Variants in ADK observed in about 807,000 individuals in gnomAD.
ADK encodes adenosine kinase.
Under a neutral mutation model 44.7 loss-of-function variants are expected in ADK, and 24 were observed. The observed-to-expected ratio is 0.54, with a 90% CI of 0.39 to 0.76. ADK has a LOEUF of 0.76. Among genes scored for constraint, ADK ranks in the 30% least tolerant of loss-of-function variants. The pLI is 0.00. For synonymous variants in ADK, 128 were observed against 142.6 expected, an observed-to-expected ratio of 0.90 and a Z score of 0.73; for missense variants, 321 against 425.1, an observed-to-expected ratio of 0.76 and a Z score of 2.15.
chr10:74,405,680 AAC>A (rs532517853), intron 6 of ADK, among the ~76,000 whole-genome samples: 2 of 152,096 alleles, frequency 1.3e-5, no homozygotes, highest in Non-Finnish European at 2.9e-5. Context: ...TCTGAGGTGC[AAC>A]AGTTTCATCC....
chr10:74,635,613 G>A (rs1222540181), intron 9 of ADK, among the ~76,000 whole-genome samples: 4 of 152,054 alleles, frequency 2.6e-5, no homozygotes, highest in Non-Finnish European at 5.9e-5. Context: ...AGGCTCAGCC[G>A]AGTAGTTCTA....
intron 6 of ADK, among the ~76,000 whole-genome samples, chr10:74,482,886 A>C (rs1297950886): frequency 6.6e-6 from 1 of 152,180 alleles, no homozygotes; most frequent in Non-Finnish European, 1.5e-5. Flanking sequence ...GTTGCTCTGC[A>C]GGGCTCAGCT....
At chr10:74,341,558 T>A (rs1010777905) in intron 4 of ADK, among the ~76,000 whole-genome samples, 3 of 150,574 alleles carry the variant, frequency 2.0e-5, no homozygotes. Context: ...ATTTTTGCAA[T>A]CATTAACTTA....
At position 74,575,057 on chromosome 10, in the gene ADK, A is replaced by G. The variant is rs151051377; in HGVS notation, c.727-14225A>G. On this transcript the variant is annotated intron_variant, in intron 7 of 10. Coordinates refer to ENST00000539909, the MANE Select transcript of ADK (RefSeq NM_006721.4). The stretch of plus-strand genomic sequence containing the variant: ...ATAATAGAAGAATATTCAGACCACT[A>G]AAGTCAGTCAACTCTGATCCCCAAA... 9.9e-4 allele frequency among the ~76,000 whole-genome samples: 151 copies of G among 152,344 alleles called. 1 individual carries two copies. The highest frequency in any genetic ancestry group is 3.5e-3 in the African/African-American group (145 of 41,578).
chr10:74,527,374 A>AAC lies in ADK; in HGVS notation c.726+1949_726+1950insCA, dbSNP rs200594020. Among the ~76,000 whole-genome samples the AAC allele has an allele frequency of 2.1e-4, 8 of 38,822 alleles. No homozygotes were observed. The African/African-American group carries it at 6.8e-3, about 33-fold the overall frequency. The allele number at this position is 38,822 out of a possible 152,430, so 25.5% of individuals were successfully genotyped here. A position where few individuals can be genotyped will look rare whatever the true frequency, so the allele number is the denominator to read the frequency against. ...CTCCGTCTCAAAAAACAAACAAACA[A>AAC]AAAAAAAAAAACATAAATATGATTC... is the stretch of plus-strand genomic sequence containing the variant. On this transcript the variant is annotated intron_variant, in intron 7 of 10. Coordinates refer to ENST00000539909, the MANE Select transcript of ADK (RefSeq NM_006721.4).
In ADK at chr10:74,213,796, C is replaced by T. The variant is rs372730051; in HGVS notation, c.141-10742C>T. On this transcript the variant is annotated intron_variant, in intron 2 of 10. Transcript: ENST00000539909. Reference sequence around the variant, plus strand: ...GCAAATCACAGTGCAAATATGGAGACAGAAGCCAGAAATAAAATGTATTAG... The same window carrying T: ...GCAAATCACAGTGCAAATATGGAGATAGAAGCCAGAAATAAAATGTATTAG... Among the ~76,000 whole-genome samples, 58 of 152,116 alleles carry T rather than the reference C, an allele frequency of 3.8e-4. 2 individuals are homozygous for T. Among genetic ancestry groups the T allele is most frequent in the African/African-American group, 1.4e-3 (57 of 41,494 alleles).
intron 3 of ADK, among the ~76,000 whole-genome samples, chr10:74,243,070 C>T (rs903814548): frequency 2.6e-5 from 4 of 152,246 alleles, no homozygotes; most frequent in Admixed American, 6.5e-5. Context: ...CCTTTGCCCT[C>T]GCTGGCGGAG....
chr10:74,544,508 G>A (rs924898417), intron 7 of ADK, among the ~76,000 whole-genome samples: 1 of 152,128 alleles, frequency 6.6e-6, no homozygotes, highest in African/African-American at 2.4e-5. Flanking sequence ...AAATGTGGTG[G>A]GAGGTGGTGC....
chr10:74,467,465 G>A (rs1164180804), intron 6 of ADK, among the ~76,000 whole-genome samples: 1 of 152,018 alleles, frequency 6.6e-6, no homozygotes, highest in Non-Finnish European at 1.5e-5. Context: ...TGATTTCGTA[G>A]TTCAGATTGC....
At chr10:74,337,652 C>T (rs1012541430) in intron 4 of ADK, among the ~76,000 whole-genome samples, 2 of 152,150 alleles carry the variant, frequency 1.3e-5, no homozygotes, top group African/African-American at 4.8e-5. Context: ...TTTATTACTA[C>T]AGCTGGCTTC....
intron 6 of ADK, among the ~76,000 whole-genome samples, chr10:74,419,326 C>G (rs978124391): frequency 1.2e-4 from 18 of 151,972 alleles, no homozygotes; most frequent in Non-Finnish European, 2.2e-4. Flanking sequence ...AGTATTTCCC[C>G]CCCCCAAAAA....
intron 1 of ADK, among the ~76,000 whole-genome samples, chr10:74,161,956 C>T (rs143477066): frequency 9.2e-4 from 140 of 152,272 alleles, no homozygotes; most frequent in African/African-American, 3.2e-3. Context: ...CCTCCTGCCT[C>T]GGCCTCCTAA....
chr10:74,591,223 A>G (rs1460608665), intron 8 of ADK, among the ~76,000 whole-genome samples: 2 of 152,102 alleles, frequency 1.3e-5, no homozygotes, highest in Non-Finnish European at 2.9e-5. Flanking sequence ...TCACCTTTCC[A>G]TTAGTTCTTA....
chr10:74,399,850 T>C (rs1372282392), intron 6 of ADK, among the ~76,000 whole-genome samples: 1 of 152,138 alleles, frequency 6.6e-6, no homozygotes, highest in Non-Finnish European at 1.5e-5. Context: ...TGAAAAAGTA[T>C]ATTTAACTTG....
intron 1 of ADK, among the ~76,000 whole-genome samples, chr10:74,162,107 G>C (rs898169760): frequency 2.6e-5 from 4 of 151,888 alleles, no homozygotes; most frequent in African/African-American, 9.7e-5. Flanking sequence ...TGCAACCCCC[G>C]CCTTCTGGTT....
intron 4 of ADK, among the ~76,000 whole-genome samples, chr10:74,386,655 G>C (rs1303511482): frequency 1.3e-5 from 2 of 152,098 alleles, no homozygotes; most frequent in Non-Finnish European, 2.9e-5. Flanking sequence ...TCAGGATGTT[G>C]CCTAAATTTC....
At chr10:74,199,863 A>T (rs1186507188) in intron 1 of ADK, among the ~76,000 whole-genome samples, 2 of 151,766 alleles carry the variant, frequency 1.3e-5, no homozygotes, top group Non-Finnish European at 2.9e-5. Context: ...TATTTTTTAT[A>T]CAGATGGGGT....
chr10:74,173,210 C>T (rs1842218078), intron 1 of ADK, among the ~76,000 whole-genome samples: 1 of 151,244 alleles, frequency 6.6e-6, no homozygotes, highest in Admixed American at 6.6e-5. Context: ...CCTGCCTCAG[C>T]CTCCCAAGTG....
At chr10:74,297,531 A>G (rs1839860722) in intron 3 of ADK, among the ~76,000 whole-genome samples, 1 of 152,226 alleles carries the variant, frequency 6.6e-6, no homozygotes, top group Non-Finnish European at 1.5e-5. Flanking sequence ...AGATAGGTAT[A>G]ATACTCATTA....
Sources: allele counts gnomAD v4.1 joint callset (sites outside exome capture counted in the v4.1 genomes callset), GRCh38; gene constraint gnomAD v4.1.1; transcripts MANE v1.5; gene names NCBI Gene and HGNC (gene_info 2026-07-23, HGNC 2026-07-21).